The following PSMB5 variants were observed in gnomAD, a reference collection of about 807,000 sequenced individuals.
The protein encoded by PSMB5 is proteasome subunit beta type-5.
PSMB5 carries 2 observed loss-of-function variants against 22.8 expected under a neutral mutation model. The ratio of observed to expected loss-of-function variants is 0.09; its 90% CI spans 0.04 to 0.28. The LOEUF is 0.28. Ranked by LOEUF, PSMB5 falls within the 10% of genes least tolerant of loss-of-function variation. PSMB5 has a pLI of 1.00. For synonymous variants in PSMB5, 133 were observed against 135.3 expected (o/e 0.98, Z 0.12); for missense variants, 269 against 343.8 (o/e 0.78, Z 1.72).
At chr14:23,033,338 C>T (rs185430971) in intron 2 of PSMB5, 30 bp downstream of exon 2, 1 of 1,593,734 alleles carries the variant, frequency 6.3e-7, no homozygotes, top group Admixed American at 1.7e-5. Flanking sequence ...AGTGTCAGCC[C>T]AAGGATCATG....
chr14:23,034,476 C>A, intron 1 of PSMB5: 1 of 607,822 alleles, frequency 1.6e-6, no homozygotes, highest in Non-Finnish European at 2.8e-6. Flanking sequence ...CCCGACTTAC[C>A]CCCGGCCCCA....
At chr14:23,035,062 G>T, upstream of PSMB5, 2 of 1,269,232 alleles carry the variant, frequency 1.6e-6, no homozygotes, top group East Asian at 2.6e-5. Flanking sequence ...CACTGAAGGG[G>T]GTCGGGGAAA....
chr14:23,033,316 C>T, intron 2 of PSMB5, 52 bp downstream of exon 2: 3 of 1,561,064 alleles, frequency 1.9e-6, no homozygotes, highest in East Asian at 2.3e-5. Flanking sequence ...CCATCCAACC[C>T]CTCCTCACTG....
chr14:23,033,790 C>T, intron 1 of PSMB5, 116 bp from the exon 2 acceptor site: 1 of 902,076 alleles, frequency 1.1e-6, no homozygotes, highest in Non-Finnish European at 1.6e-6. Context: ...TCCTTTTATA[C>T]TTCACAGTAT....
At chr14:23,028,429 T>A (rs2046931345) in intron 2 of PSMB5, among the ~76,000 whole-genome samples, 2 of 152,244 alleles carry the variant, frequency 1.3e-5, no homozygotes. Flanking sequence ...ACAGGACTAG[T>A]TGAGCATTTG....
At chr14:23,031,369 C>CTCACA (rs2046951497) in intron 2 of PSMB5, among the ~76,000 whole-genome samples, 1 of 152,220 alleles carries the variant, frequency 6.6e-6, no homozygotes, top group Non-Finnish European at 1.5e-5. Flanking sequence ...GAGCTCCTCT[C>CTCACA]TCACATCCGG....
intron 2 of PSMB5, among the ~76,000 whole-genome samples, chr14:23,028,840 T>TC: frequency 6.6e-6 from 1 of 152,212 alleles, no homozygotes; most frequent in Admixed American, 6.5e-5. Context: ...ACTGGATCCC[T>TC]CCAGCTGGAT....
Position 23,033,695 on chromosome 14 carries a change from C to A in PSMB5, c.199-21G>T, listed in dbSNP as rs199774911. ...CGGAACTGTTAAGATCAGAGGAAAA[C>A]ACAAAACAGGCCACATAAGACCACA... On this transcript the variant is annotated intron_variant, in intron 1 of 2. Coordinates refer to ENST00000361611, the MANE Select transcript of PSMB5 (RefSeq NM_002797.5). The A allele has an allele frequency of 7.8e-5, 124 of 1,590,078 alleles. 1 individual carries two copies. The Middle Eastern group carries it at 3.9e-3, about 50-fold the overall frequency.
upstream of PSMB5, chr14:23,035,151 A>G: frequency 2.0e-6 from 1 of 493,966 alleles, no homozygotes; most frequent in Admixed American, 3.9e-5. Flanking sequence ...GTCCTGGATC[A>G]GAATAACCTC....
chr14:23,026,387 G>C lies in PSMB5; in HGVS notation c.506-12C>G, dbSNP rs2046913625. 4 of 1,607,016 alleles carry C rather than the reference G, an allele frequency of 2.5e-6. No homozygotes were observed. Among genetic ancestry groups the C allele is most frequent in the Non-Finnish European group, 3.4e-6 (4 of 1,176,520 alleles). The stretch of plus-strand genomic sequence containing the variant: ...CACGTAGTAGAGGCCTGGAAAGGGA[G>C]ATGAGGTTAGCAGGAAAAAAAAAAA... On this transcript the variant is annotated splice_polypyrimidine_tract_variant and intron_variant, in intron 2 of 2. Transcript: ENST00000361611.
intron 2 of PSMB5, among the ~76,000 whole-genome samples, chr14:23,028,657 A>G (rs1015332264): frequency 3.3e-5 from 5 of 152,330 alleles, no homozygotes; most frequent in African/African-American, 9.6e-5. Context: ...GAACAGAGCC[A>G]CTGTTTCCAT....
Position 23,034,699 on chromosome 14 carries a change from G to T in PSMB5, c.183C>A (p.Thr61=), listed in dbSNP as rs1413043284. Reference sequence around the variant, plus strand: ...GGCTCCACACCTTGAAGGCCAGGGTGGTTGTTCCATGAAGCATTTCGATTC... The same window carrying T: ...GGCTCCACACCTTGAAGGCCAGGGTTGTTGTTCCATGAAGCATTTCGATTC... ...EPGIEMLHGT[T]TLAFKFRHGV... The change falls in exon 1 of 3, where the codon ACC becomes ACA. Residue 61 remains threonine (T), a synonymous_variant. Transcript: ENST00000361611. 1 of 1,614,140 alleles carries T rather than the reference G, an allele frequency of 6.2e-7. No individual in the cohort carries two copies.
At chr14:23,027,778 C>A in intron 2 of PSMB5, 1 of 1,548,836 alleles carries the variant, frequency 6.5e-7, no homozygotes, top group Non-Finnish European at 8.7e-7. Flanking sequence ...AGCACACCCA[C>A]AAAACAAGTA....
intron 2 of PSMB5, among the ~76,000 whole-genome samples, chr14:23,028,004 G>A (rs529813747): frequency 5.9e-5 from 9 of 152,254 alleles, no homozygotes; most frequent in South Asian, 2.1e-4. Flanking sequence ...TTAGCCAGGC[G>A]TGGTGGCGCA....
chr14:23,028,827 C>A (rs2046933795), intron 2 of PSMB5, among the ~76,000 whole-genome samples: 1 of 152,216 alleles, frequency 6.6e-6, no homozygotes, highest in Non-Finnish European at 1.5e-5. Context: ...ATCCCAACTG[C>A]CTACTGGATC....
In PSMB5 at chr14:23,033,565, G is replaced by A. The variant is rs1252693067; in HGVS notation, c.308C>T (p.Thr103Ile). ...VIEINPYLLG[T>I]MAGGAADCSF... ...GCAATCCGCTGCGCCCCCAGCCATG[G>A]TGCCTAGCAGGTATGGGTTGATCTC... The change falls in exon 2 of 3, where the codon ACC becomes ATC. Residue 103 changes from threonine to isoleucine, a missense_variant. Thr to Ile is a moderately conservative substitution (Grantham distance 89). Coordinates refer to ENST00000361611, the MANE Select transcript of PSMB5 (RefSeq NM_002797.5). The A allele has an allele frequency of 6.2e-7, 1 of 1,614,196 alleles. No individual in the cohort carries two copies. Among genetic ancestry groups the A allele is most frequent in the Non-Finnish European group, 8.5e-7 (1 of 1,180,042 alleles).
At chr14:23,033,334 A>C in intron 2 of PSMB5, 34 bp downstream of exon 2, 1 of 1,588,176 alleles carries the variant, frequency 6.3e-7, no homozygotes, top group South Asian at 1.1e-5. Flanking sequence ...CTGTAGTGTC[A>C]GCCCAAGGAT....
At chr14:23,030,113 G>A (rs1393325184) in intron 2 of PSMB5, among the ~76,000 whole-genome samples, 2 of 151,808 alleles carry the variant, frequency 1.3e-5, no homozygotes, top group Non-Finnish European at 2.9e-5. Context: ...CCTGATCTCC[G>A]GTGATCCACC....
intron 1 of PSMB5, chr14:23,034,371 T>C (rs908686091): frequency 3.1e-6 from 1 of 321,048 alleles, no homozygotes; most frequent in East Asian, 6.9e-5. Flanking sequence ...TCGGCCAAGA[T>C]TCATTGTTGT....
Sources: gnomAD v4.1 joint callset for allele counts (sites outside exome capture counted in the v4.1 genomes callset) on GRCh38, gnomAD v4.1.1 for gene constraint, MANE v1.5 for transcripts, NCBI Gene and HGNC (gene_info 2026-07-23, HGNC 2026-07-21) for gene names.